Variants in LSM12 observed in about 807,000 individuals in gnomAD.
LSM12 encodes the protein protein LSM12.
For synonymous variants in LSM12, 74 were observed against 87.3 expected, an observed-to-expected ratio of 0.85 and a Z score of 0.85; for missense variants, 108 against 238.9, an observed-to-expected ratio of 0.45 and a Z score of 3.61.
At chr17:44,055,118 G>A (rs556521997) in intron 2 of LSM12, among the ~76,000 whole-genome samples, 2 of 152,092 alleles carry the variant, frequency 1.3e-5, no homozygotes, top group African/African-American at 4.8e-5. Flanking sequence ...CCAAAGTGCT[G>A]GGATTACAGG....
rs1405228883 is a variant in LSM12 at position 44,034,685 on chromosome 17, A to C, written c.*1523T>G. 1 of 151,394 alleles carries C rather than the reference A, an allele frequency of 6.6e-6. No homozygotes were observed. Among genetic ancestry groups the C allele is most frequent in the Non-Finnish European group, 1.5e-5 (1 of 67,862 alleles). The allele number at this position is 151,394 out of a possible 1,614,324, so 9.4% of individuals were successfully genotyped here. On this transcript the variant is annotated 3_prime_UTR_variant, in exon 5 of 5. Coordinates refer to ENST00000293406, the MANE Select transcript of LSM12 (RefSeq NM_001371445.1). Reference sequence around the variant, plus strand: ...ATTGTTTTTGCTAAATAATACTAAAAAAAAAATTTCATTTTGAAGGCAGGG... The same window carrying C: ...ATTGTTTTTGCTAAATAATACTAAACAAAAAATTTCATTTTGAAGGCAGGG...
chr17:44,067,492 A>C (rs1162043589), upstream of LSM12: 1 of 152,178 alleles, frequency 6.6e-6, no homozygotes, highest in Non-Finnish European at 1.5e-5. Flanking sequence ...TTGAGCATCT[A>C]ACAGCCCTTT....
intron 2 of LSM12, among the ~76,000 whole-genome samples, chr17:44,049,089 G>A (rs575050655): frequency 6.6e-6 from 1 of 152,214 alleles, no homozygotes; most frequent in Admixed American, 6.5e-5. Flanking sequence ...TACTTGGGAG[G>A]CTGAGGCAGG....
At chr17:44,047,507 A>G (rs1281233435) in intron 2 of LSM12, among the ~76,000 whole-genome samples, 2 of 152,080 alleles carry the variant, frequency 1.3e-5, no homozygotes, top group Non-Finnish European at 2.9e-5. Context: ...TCGGCCTCCC[A>G]AAGTGCTGGG....
intron 1 of LSM12, 70 bp downstream of exon 1, chr17:44,066,394 T>C (rs1343877660): frequency 1.3e-6 from 2 of 1,493,654 alleles, no homozygotes; most frequent in Non-Finnish European, 1.8e-6. Flanking sequence ...GCCGCCGCCG[T>C]CGTCCCCCAC....
intron 2 of LSM12, among the ~76,000 whole-genome samples, chr17:44,055,043 A>T (rs1046882856): frequency 6.6e-6 from 1 of 151,054 alleles, no homozygotes; most frequent in Non-Finnish European, 1.5e-5. Context: ...TATTTTTAGT[A>T]TTTTCACCAT....
At chr17:44,039,327 T>C (rs1015296234) in intron 3 of LSM12, among the ~76,000 whole-genome samples, 1 of 151,514 alleles carries the variant, frequency 6.6e-6, no homozygotes, top group Admixed American at 6.6e-5. Flanking sequence ...AGTGCTGGGA[T>C]TACAGGCGTG....
rs1431790172 is a variant in LSM12 at position 44,036,031 on chromosome 17, CTT to C, written c.*175_*176del. 5.7e-6 allele frequency: 3 copies of C among 527,830 alleles called. No homozygotes were observed. The highest frequency in any genetic ancestry group is 2.1e-5 in the African/African-American group (1 of 48,028). 32.7% of individuals were successfully genotyped at this position (527,830 alleles called of 1,614,324 possible). A position where few individuals can be genotyped will look rare whatever the true frequency, so the allele number is the denominator to read the frequency against. On this transcript the variant is annotated 3_prime_UTR_variant, in exon 5 of 5. Coordinates refer to ENST00000293406, the MANE Select transcript of LSM12 (RefSeq NM_001371445.1). ...AATGATTCAACTTTTAAATTATTCT[CTT>C]GTTCTTTTTTGTTGGGTGTTTTGTT...
chr17:44,041,288 CAAA>C, intron 2 of LSM12, among the ~76,000 whole-genome samples: 1 of 106,534 alleles, frequency 9.4e-6, no homozygotes, highest in Non-Finnish European at 1.8e-5. Context: ...AAAAAAAAAA[CAAA>C]CACACACACA....
At chr17:44,036,553 T>C (rs1183843745) in intron 4 of LSM12, among the ~76,000 whole-genome samples, 2 of 152,114 alleles carry the variant, frequency 1.3e-5, no homozygotes. Context: ...CTATAAAATA[T>C]AATAAGGGGA....
At chr17:44,065,106 C>G (rs910442359) in intron 1 of LSM12, among the ~76,000 whole-genome samples, 31 of 150,208 alleles carry the variant, frequency 2.1e-4, no homozygotes, top group South Asian at 6.3e-4. Context: ...GCACTCCAGC[C>G]TGGGCAATAA....
chr17:44,040,588 A>G (rs1052873108), intron 2 of LSM12, among the ~76,000 whole-genome samples: 4 of 152,166 alleles, frequency 2.6e-5, no homozygotes, highest in African/African-American at 9.7e-5. Context: ...TCAGACAGTG[A>G]TAAGCACTAG....
In LSM12 at chr17:44,035,688, A is replaced by AAG. The variant is rs1555623360; in HGVS notation, c.*519_*520insCT. Reference sequence around the variant, plus strand: ...AGCCATGCCCTGTGCAAAAAAAAAAAAAAAAAGAAAAAAGAAAAAAAAAGG... The same window carrying AAG: ...AGCCATGCCCTGTGCAAAAAAAAAAAAGAAAAAAGAAAAAAGAAAAAAAAAGG... On this transcript the variant is annotated 3_prime_UTR_variant, in exon 5 of 5. Transcript: ENST00000293406. 6 of 142,568 alleles carry AAG rather than the reference A, an allele frequency of 4.2e-5. No homozygotes were observed. Among genetic ancestry groups the AAG allele is most frequent in the Admixed American group, 7.1e-5 (1 of 14,112 alleles). 8.8% of individuals were successfully genotyped at this position (142,568 alleles called of 1,614,324 possible).
rs566135138 is a variant in LSM12 at position 44,040,186 on chromosome 17, G to C, written c.329C>G (p.Ser110Cys). Reference protein sequence around the residue: ...SQAYAISAGVSLEGQQLFQTI... With the variant: ...SQAYAISAGVCLEGQQLFQTI... ...CTGGAAGAGCTGCTGGCCCTCTAGA[G>C]AGACACCAGCACTGATTGCATAGGC... Residue 110 changes from serine (S) to cysteine (C), a missense_variant, in exon 3 of 5, where the codon TCT (serine) becomes TGT (cysteine). Coordinates refer to ENST00000293406, the MANE Select transcript of LSM12 (RefSeq NM_001371445.1). The C allele has an allele frequency of 6.2e-7, 1 of 1,613,946 alleles. No homozygotes were observed. Among genetic ancestry groups the C allele is most frequent in the African/African-American group, 1.3e-5 (1 of 75,060 alleles).
intron 2 of LSM12, among the ~76,000 whole-genome samples, chr17:44,054,492 T>C (rs565452316): frequency 6.6e-6 from 1 of 152,228 alleles, no homozygotes; most frequent in Admixed American, 6.5e-5. Context: ...GTATTTTTTG[T>C]ACAGACAGGG....
Position 44,066,478 on chromosome 17 carries a change from T to G in LSM12, c.110A>C (p.Lys37Thr). Residue 37 changes from lysine (K) to threonine (T), a missense_variant, in exon 1 of 5, where the codon AAA becomes ACA. Coordinates refer to ENST00000293406, the MANE Select transcript of LSM12 (RefSeq NM_001371445.1). ...GEVVAFDYQS[K>T]MLALKCPSSS... ...GGGAAGGATACTTAAAGCCAGCATT[T>G]TGGATTGGTAGTCAAAGGCTACCAC... The G allele has an allele frequency of 6.4e-7, 1 of 1,551,602 alleles. No individual in the cohort carries two copies.
chr17:44,050,617 AT>A (rs2049630783), intron 2 of LSM12, among the ~76,000 whole-genome samples: 1 of 150,810 alleles, frequency 6.6e-6, no homozygotes, highest in Non-Finnish European at 1.5e-5. Context: ...GGTTCAAGTG[AT>A]TCTCCTGCCT....
rs2049395028 is a variant in LSM12 at position 44,034,484 on chromosome 17, T to A, written c.*1724A>T. On this transcript the variant is annotated 3_prime_UTR_variant, in exon 5 of 5. Transcript: ENST00000293406. The stretch of plus-strand genomic sequence containing the variant: ...TGGACCCCCATCTTAAATTATACCC[T>A]GCATTATATTTCTGGATGAGTCCTC... Among the ~76,000 whole-genome samples, 1 of 151,994 alleles carries A rather than the reference T, an allele frequency of 6.6e-6. No individual in the cohort carries two copies. Among genetic ancestry groups the A allele is most frequent in the Non-Finnish European group, 1.5e-5 (1 of 68,016 alleles).
At chr17:44,038,616 T>C (rs182435823) in intron 3 of LSM12, among the ~76,000 whole-genome samples, 3 of 152,136 alleles carry the variant, frequency 2.0e-5, no homozygotes, top group African/African-American at 4.8e-5. Flanking sequence ...GATTGCACCA[T>C]TGGACTCCAG....
Sources: allele counts gnomAD v4.1 joint callset (sites outside exome capture counted in the v4.1 genomes callset), GRCh38; gene constraint gnomAD v4.1.1; transcripts MANE v1.5; gene names NCBI Gene and HGNC (gene_info 2026-07-23, HGNC 2026-07-21).